Variants in PHACTR1 observed in about 807,000 individuals in gnomAD.
PHACTR1 encodes the protein phosphatase and actin regulator 1, also known as RPEL repeat containing 1.
In PHACTR1, 16 loss-of-function variants were observed where a neutral mutation model predicts 69.2. The ratio of observed to expected loss-of-function variants is 0.23; its 90% CI spans 0.16 to 0.35. PHACTR1 has a LOEUF of 0.35. PHACTR1 is among the 10% of genes least tolerant of loss of function. PHACTR1 has a pLI of 1.00. For synonymous variants in PHACTR1, 312 were observed against 284.5 expected (o/e 1.10, Z -0.97); for missense variants, 510 against 734.7 (o/e 0.69, Z 3.54).
chr6:13,230,050 G>A lies in PHACTR1; in HGVS notation c.1248G>A (p.Met416Ile). The A allele has an allele frequency of 6.2e-7, 1 of 1,609,826 alleles. No individual in the cohort carries two copies. Among genetic ancestry groups the A allele is most frequent in the Non-Finnish European group, 8.5e-7 (1 of 1,178,020 alleles). ...DSSLYTSSLA[M>I]KVCRKDSLAI... ...TGTCTCCTACAGGCTCCCTGGCCAT[G>A]AAGGTCTGCAGGAAGGACTCCTTAG... The change falls in exon 10 of 15, where the codon ATG (methionine) becomes ATA (isoleucine). Residue 416 changes from methionine to isoleucine, a missense_variant. Transcript: ENST00000332995.
At chr6:13,103,591 A>G (rs1815545892) in intron 5 of PHACTR1, among the ~76,000 whole-genome samples, 1 of 152,216 alleles carries the variant, frequency 6.6e-6, no homozygotes, top group Non-Finnish European at 1.5e-5. Flanking sequence ...ATTATGGGGT[A>G]GAAGTGTTTC....
Position 12,889,057 on chromosome 6 carries a change from G to C in PHACTR1, c.250+139267G>C, listed in dbSNP as rs181580559. 3.3e-5 allele frequency among the ~76,000 whole-genome samples: 5 copies of C among 152,250 alleles called. No homozygotes were observed. In the East Asian group the frequency reaches 9.7e-4, roughly 29 times the overall value. On this transcript the variant is annotated intron_variant, in intron 4 of 14. Coordinates refer to ENST00000332995, the MANE Select transcript of PHACTR1 (RefSeq NM_030948.6). ...GGAGGCCAAGGTGGAAGGATAACTTGAACTCAGGAGTTCAAGACCAGTCTG... is the reference window on the plus strand; with the variant it reads ...GGAGGCCAAGGTGGAAGGATAACTTCAACTCAGGAGTTCAAGACCAGTCTG...
At chr6:13,110,658 C>T (rs1307368870) in intron 5 of PHACTR1, among the ~76,000 whole-genome samples, 1 of 152,186 alleles carries the variant, frequency 6.6e-6, no homozygotes, top group Non-Finnish European at 1.5e-5. Flanking sequence ...CTTTGGTATT[C>T]CCATTCCTGT....
At chr6:13,043,685 A>G (rs1431686826) in intron 4 of PHACTR1, among the ~76,000 whole-genome samples, 2 of 152,214 alleles carry the variant, frequency 1.3e-5, no homozygotes, top group Non-Finnish European at 2.9e-5. Context: ...CTTAACAGAA[A>G]GAGTTTGCTT....
At chr6:13,121,885 T>C (rs1469641957) in intron 5 of PHACTR1, among the ~76,000 whole-genome samples, 1 of 152,232 alleles carries the variant, frequency 6.6e-6, no homozygotes, top group Non-Finnish European at 1.5e-5. Flanking sequence ...GAACAGGGAC[T>C]TACTGAGTTC....
intron 4 of PHACTR1, among the ~76,000 whole-genome samples, chr6:12,920,317 T>A (rs1389533077): frequency 1.3e-5 from 2 of 152,220 alleles, no homozygotes; most frequent in Non-Finnish European, 2.9e-5. Context: ...TTCCAATAAA[T>A]TGTAGAAGGC....
chr6:13,194,417 AG>A (rs1764068632), intron 7 of PHACTR1, among the ~76,000 whole-genome samples: 2 of 144,190 alleles, frequency 1.4e-5, no homozygotes, highest in Non-Finnish European at 3.0e-5. Context: ...AAAAAAAAAA[AG>A]AAAGAAAGGA....
chr6:12,814,234 T>C lies in PHACTR1; in HGVS notation c.250+64444T>C, dbSNP rs528325349. Among the ~76,000 whole-genome samples the C allele has an allele frequency of 3.9e-5, 6 of 152,268 alleles. No homozygotes were observed. The South Asian group carries it at 1.0e-3, about 26-fold the overall frequency. On this transcript the variant is annotated intron_variant, in intron 4 of 14. Coordinates refer to ENST00000332995, the MANE Select transcript of PHACTR1 (RefSeq NM_030948.6). ...TCCTCTTGCTGCCCTGTGTTGATAG[T>C]GTTGTGATGAAAGAGGAAGGAATCC...
At chr6:13,054,416 C>T (rs935779432) in intron 5 of PHACTR1, among the ~76,000 whole-genome samples, 17 of 152,168 alleles carry the variant, frequency 1.1e-4, no homozygotes, top group African/African-American at 4.1e-4. Context: ...TCTGTTTGGG[C>T]TGCCATAACA....
At chr6:13,145,338 T>C (rs1289852945) in intron 5 of PHACTR1, among the ~76,000 whole-genome samples, 2 of 152,214 alleles carry the variant, frequency 1.3e-5, no homozygotes, top group African/African-American at 4.8e-5. Flanking sequence ...CTCTGAATAG[T>C]TTAATTTTTT....
intron 6 of PHACTR1, among the ~76,000 whole-genome samples, chr6:13,162,274 T>TG (rs1487224651): frequency 7.3e-5 from 9 of 123,904 alleles, no homozygotes; most frequent in Admixed American, 1.6e-4. Flanking sequence ...TACTTTTGTT[T>TG]TTTTGTTTGT....
intron 5 of PHACTR1, among the ~76,000 whole-genome samples, chr6:13,073,062 G>A (rs35170510): frequency 0.035 from 5,344 of 152,070 alleles, 141 homozygotes; most frequent in Non-Finnish European, 0.053. Context: ...ATGTTGCAAA[G>A]GACCAATCCA....
At position 12,930,500 on chromosome 6, in the gene PHACTR1, C is replaced by T. The variant is rs191141685; in HGVS notation, c.251-122865C>T. On this transcript the variant is annotated intron_variant, in intron 4 of 14. Coordinates refer to ENST00000332995, the MANE Select transcript of PHACTR1 (RefSeq NM_030948.6). The stretch of plus-strand genomic sequence containing the variant: ...ATAACAGAATTGTGTACAGCGTTGC[C>T]AGCCACATCTGCCCTCAGTGTTAAC... Among the ~76,000 whole-genome samples the T allele has an allele frequency of 2.6e-5, 4 of 152,272 alleles. No individual in the cohort carries two copies. In the East Asian group the frequency reaches 7.7e-4, roughly 29 times the overall value.
intron 4 of PHACTR1, among the ~76,000 whole-genome samples, chr6:12,945,206 G>A (rs556212477): frequency 6.6e-6 from 1 of 151,994 alleles, no homozygotes; most frequent in East Asian, 1.9e-4. Context: ...TTCTCTTTTA[G>A]GTCCCCATAT....
chr6:13,210,602 C>A (rs149122532), intron 8 of PHACTR1, among the ~76,000 whole-genome samples: 13 of 152,200 alleles, frequency 8.5e-5, no homozygotes, highest in African/African-American at 3.1e-4. Context: ...TGACCCAAAG[C>A]GTATGGCTCA....
intron 4 of PHACTR1, among the ~76,000 whole-genome samples, chr6:12,991,589 C>T (rs557775967): frequency 1.5e-4 from 23 of 152,252 alleles, no homozygotes; most frequent in Non-Finnish European, 2.6e-4. Flanking sequence ...ACATCATTTT[C>T]TTCTTAAGAA....
intron 8 of PHACTR1, among the ~76,000 whole-genome samples, chr6:13,223,587 T>A (rs1769043892): frequency 6.6e-6 from 1 of 152,226 alleles, no homozygotes; most frequent in Admixed American, 6.5e-5. Context: ...TAGTCAGGTG[T>A]GTGTTTTATC....
intron 4 of PHACTR1, among the ~76,000 whole-genome samples, chr6:12,757,670 G>A (rs1767494899): frequency 6.6e-6 from 1 of 152,112 alleles, no homozygotes; most frequent in African/African-American, 2.4e-5. Flanking sequence ...GGTTGTGAGA[G>A]GAGAAGAGCA....
intron 4 of PHACTR1, among the ~76,000 whole-genome samples, chr6:12,859,632 C>T (rs1780742328): frequency 6.6e-6 from 1 of 152,120 alleles, no homozygotes; most frequent in African/African-American, 2.4e-5. Flanking sequence ...AAACACATCT[C>T]AAGAACCGTG....
Sources: gnomAD v4.1 joint callset for allele counts (sites outside exome capture counted in the v4.1 genomes callset) on GRCh38, gnomAD v4.1.1 for gene constraint, MANE v1.5 for transcripts, NCBI Gene and HGNC (gene_info 2026-07-23, HGNC 2026-07-21) for gene names.